ATG4C: variants seen among roughly 807,000 people sequenced by gnomAD.
ATG4C encodes the protein cysteine protease ATG4C.
In ATG4C, 56 loss-of-function variants were observed where a neutral mutation model predicts 57.6. The observed-to-expected ratio is 0.97, with a 90% confidence interval of 0.78 to 1.21. The LOEUF is 1.21. Among genes scored for constraint, ATG4C ranks in the 50% most tolerant of loss-of-function variants. The pLI, the probability that ATG4C is intolerant of heterozygous loss-of-function variation, is 0.00. For synonymous variants in ATG4C, 157 were observed against 174.1 expected (o/e 0.90, Z 0.78); for missense variants, 595 against 529.8 (o/e 1.12, Z -1.21).
Position 62,807,788 on chromosome 1 carries a change from G to GGGA in ATG4C, c.160+2533_160+2534insGGA, listed in dbSNP as rs1304876083. Among the ~76,000 whole-genome samples the GGGA allele has an allele frequency of 2.3e-3, 345 of 152,294 alleles. 1 individual carries two copies. Among genetic ancestry groups the GGGA allele is most frequent in the African/African-American group, 8.1e-3 (337 of 41,566 alleles). ...AACCAAGTGTTTCCTTGAGTTCTGT[G>GGGA]AGTCATCACAGCAAATTACCAAACC... On this transcript the variant is annotated intron_variant, in intron 3 of 10. Coordinates refer to ENST00000317868, the MANE Select transcript of ATG4C (RefSeq NM_032852.4).
At chr1:62,804,938 T>C (rs1389833842) in intron 2 of ATG4C, among the ~76,000 whole-genome samples, 5 of 152,184 alleles carry the variant, frequency 3.3e-5, no homozygotes, top group Non-Finnish European at 7.4e-5. Context: ...TGTCCTTTAA[T>C]TGGATAGTTT....
chr1:62,819,524 T>C (rs1328683560), intron 5 of ATG4C, among the ~76,000 whole-genome samples, 189 bp downstream of exon 5: 3 of 152,052 alleles, frequency 2.0e-5, no homozygotes, highest in Non-Finnish European at 4.4e-5. Context: ...ATTTAATTTA[T>C]TTACTGACAA....
At chr1:62,799,898 C>T (rs1664600200) in intron 1 of ATG4C, among the ~76,000 whole-genome samples, 1 of 150,876 alleles carries the variant, frequency 6.6e-6, no homozygotes. Flanking sequence ...ACCCATTAAC[C>T]ATTCCCACCT....
intron 3 of ATG4C, among the ~76,000 whole-genome samples, chr1:62,808,312 AT>A (rs1383295977): frequency 6.6e-6 from 1 of 152,192 alleles, no homozygotes; most frequent in Non-Finnish European, 1.5e-5. Context: ...TCCATCTTGG[AT>A]GATAGTGTTG....
At chr1:62,798,736 G>T (rs548354785) in intron 1 of ATG4C, among the ~76,000 whole-genome samples, 1 of 151,520 alleles carries the variant, frequency 6.6e-6, no homozygotes, top group Non-Finnish European at 1.5e-5. Flanking sequence ...GCTCTGCCTC[G>T]CAGGTTCAAG....
chr1:62,840,545 C>G lies in ATG4C; in HGVS notation c.1090-883C>G, dbSNP rs185776582. Among the ~76,000 whole-genome samples the G allele has an allele frequency of 4.5e-4, 68 of 152,202 alleles. 1 individual carries two copies. In the East Asian group the frequency reaches 8.9e-3, roughly 20 times the overall value. On this transcript the variant is annotated intron_variant, in intron 9 of 10. Transcript: ENST00000317868. ...CACTTCAGTGATTTTTAAGGACAGG[C>G]TAAGCATTTAAGCATTAAAAAAATT...
At chr1:62,822,455 C>G (rs1665512472) in intron 6 of ATG4C, among the ~76,000 whole-genome samples, 1 of 152,104 alleles carries the variant, frequency 6.6e-6, no homozygotes, top group Admixed American at 6.6e-5. Context: ...TGTACCTAAA[C>G]AAGTAATCAT....
intron 6 of ATG4C, among the ~76,000 whole-genome samples, chr1:62,826,203 C>G (rs1031001058): frequency 1.3e-5 from 2 of 150,854 alleles, no homozygotes; most frequent in African/African-American, 4.9e-5. Context: ...CCCACCACAC[C>G]TGGCCAAACT....
intron 9 of ATG4C, among the ~76,000 whole-genome samples, chr1:62,838,967 T>A (rs1461694074): frequency 6.6e-6 from 1 of 152,208 alleles, no homozygotes; most frequent in Non-Finnish European, 1.5e-5. Flanking sequence ...TTTGTTATTA[T>A]CTATGATGGT....
intron 1 of ATG4C, among the ~76,000 whole-genome samples, chr1:62,793,544 C>A (rs1488570523): frequency 2.6e-5 from 3 of 115,096 alleles, no homozygotes; most frequent in Non-Finnish European, 5.0e-5. Flanking sequence ...CCTGGGAGAT[C>A]AAGGCATTTG....
At chr1:62,845,946 C>T (rs146924624) in intron 10 of ATG4C, among the ~76,000 whole-genome samples, 1 of 152,252 alleles carries the variant, frequency 6.6e-6, no homozygotes, top group African/African-American at 2.4e-5. Flanking sequence ...AGGTGATCCT[C>T]CTGTGTCAGC....
chr1:62,829,751 G>A (rs1665781456), intron 7 of ATG4C, among the ~76,000 whole-genome samples: 1 of 152,012 alleles, frequency 6.6e-6, no homozygotes, highest in South Asian at 2.1e-4. Context: ...AAGAACCTGT[G>A]TAGTTATGGT....
chr1:62,784,353 GC>G lies in ATG4C; in HGVS notation c.-69+81del, dbSNP rs543789928. The G allele has an allele frequency of 2.6e-3, 403 of 152,478 alleles. 1 individual carries two copies. The highest frequency in any genetic ancestry group is 4.0e-3 in the Non-Finnish European group (276 of 68,162). 9.4% of individuals were successfully genotyped at this position (152,478 alleles called of 1,614,324 possible). ...TGGTCCCCGAATGACTGGGTTTCTT[GC>G]GGGGGTCCGCCTTCAGTGAAGACCC... On this transcript the variant is annotated intron_variant, in intron 1 of 10. Coordinates refer to ENST00000317868, the MANE Select transcript of ATG4C (RefSeq NM_032852.4).
chr1:62,812,800 A>G (rs1665130829), intron 3 of ATG4C, among the ~76,000 whole-genome samples: 2 of 152,320 alleles, frequency 1.3e-5, no homozygotes, highest in South Asian at 2.1e-4. Context: ...AATGTGCAAA[A>G]ATCGCAAGCA....
At chr1:62,805,501 AT>A (rs1664849152) in intron 3 of ATG4C, among the ~76,000 whole-genome samples, 1 of 152,094 alleles carries the variant, frequency 6.6e-6, no homozygotes, top group Non-Finnish European at 1.5e-5. Context: ...AGTAAATATT[AT>A]TTGAATTGAT....
intron 9 of ATG4C, among the ~76,000 whole-genome samples, chr1:62,838,170 T>TAAACAATGTATCAAA (rs1263811535): frequency 6.6e-6 from 1 of 152,140 alleles, no homozygotes; most frequent in African/African-American, 2.4e-5. Flanking sequence ...GGGCAATTGG[T>TAAACAATGTATCAAA]AAACAATGTA....
At chr1:62,795,821 AC>A (rs1487484767) in intron 1 of ATG4C, among the ~76,000 whole-genome samples, 1 of 150,884 alleles carries the variant, frequency 6.6e-6, no homozygotes, top group African/African-American at 2.4e-5. Flanking sequence ...ACAGAGGGAG[AC>A]CCCTTTTTAC....
intron 10 of ATG4C, among the ~76,000 whole-genome samples, chr1:62,858,940 A>G (rs1361549320): frequency 2.0e-5 from 3 of 152,186 alleles, no homozygotes; most frequent in Non-Finnish European, 4.4e-5. Context: ...TCTTTTTTAT[A>G]TACAGTCATA....
At chr1:62,804,100 T>TC (rs1664775394) in intron 2 of ATG4C, among the ~76,000 whole-genome samples, 1 of 151,582 alleles carries the variant, frequency 6.6e-6, no homozygotes, top group African/African-American at 2.4e-5. Context: ...TTTTTTTTTT[T>TC]TTTTGAGACT....
Sources: allele counts gnomAD v4.1 joint callset (sites outside exome capture counted in the v4.1 genomes callset), GRCh38; gene constraint gnomAD v4.1.1; transcripts MANE v1.5; gene names NCBI Gene and HGNC (gene_info 2026-07-23, HGNC 2026-07-21).